JAZF1: variants seen among roughly 807,000 people sequenced by gnomAD.
JAZF1 encodes the protein juxtaposed with another zinc finger protein 1.
A neutral mutation model predicts 26.4 loss-of-function variants in JAZF1; 8 were observed. The ratio of observed to expected loss-of-function variants is 0.30; its 90% CI spans 0.18 to 0.55. The LOEUF is 0.55. JAZF1 is among the 20% of genes least tolerant of loss of function. The pLI, the probability that JAZF1 is intolerant of heterozygous loss-of-function variation, is 0.94. For missense variants in JAZF1, 199 were observed against 322.0 expected (o/e 0.62, Z 2.92); for synonymous variants, 126 against 122.3 (o/e 1.03, Z -0.20).
intron 3 of JAZF1, among the ~76,000 whole-genome samples, chr7:27,869,463 C>T (rs1162106454): frequency 5.3e-5 from 8 of 152,144 alleles, no homozygotes; most frequent in Non-Finnish European, 8.8e-5. Flanking sequence ...AGTAGCTCGA[C>T]GGCACCAACA....
At chr7:28,084,547 T>C (rs537290637) in intron 1 of JAZF1, among the ~76,000 whole-genome samples, 1 of 152,330 alleles carries the variant, frequency 6.6e-6, no homozygotes, top group East Asian at 1.9e-4. Flanking sequence ...CACAAACTTG[T>C]AGAAGTACTG....
intron 2 of JAZF1, among the ~76,000 whole-genome samples, chr7:27,934,832 A>G (rs1784742611): frequency 6.6e-6 from 1 of 152,234 alleles, no homozygotes; most frequent in Non-Finnish European, 1.5e-5. Flanking sequence ...AGCACAAGTG[A>G]CAAAAGAAAA....
intron 3 of JAZF1, among the ~76,000 whole-genome samples, chr7:27,855,641 C>T (rs1361067567): frequency 6.6e-6 from 1 of 152,206 alleles, no homozygotes; most frequent in East Asian, 1.9e-4. Flanking sequence ...TGGACACATA[C>T]ACCCTTCCAA....
chr7:28,068,585 A>C (rs537145430), intron 1 of JAZF1, among the ~76,000 whole-genome samples: 51 of 152,210 alleles, frequency 3.4e-4, no homozygotes, highest in Non-Finnish European at 6.2e-4. Flanking sequence ...TCAGGGCCAC[A>C]TGAAAATCTC....
intron 1 of JAZF1, among the ~76,000 whole-genome samples, chr7:28,149,551 G>A (rs1211831047): frequency 6.6e-6 from 1 of 152,054 alleles, no homozygotes; most frequent in African/African-American, 2.4e-5. Context: ...CTCCCTCACC[G>A]GTGAACTTCT....
At chr7:27,957,938 A>G (rs555621195) in intron 2 of JAZF1, among the ~76,000 whole-genome samples, 2 of 152,350 alleles carry the variant, frequency 1.3e-5, no homozygotes, top group South Asian at 4.1e-4. Flanking sequence ...TATCTATGCA[A>G]TAGAAGACCT....
chr7:28,033,812 G>A (rs1025895693), intron 1 of JAZF1, among the ~76,000 whole-genome samples: 24 of 152,038 alleles, frequency 1.6e-4, no homozygotes, highest in African/African-American at 4.3e-4. Context: ...ACACGATCTC[G>A]GCTCACCACA....
intron 2 of JAZF1, among the ~76,000 whole-genome samples, chr7:27,933,011 G>A (rs757596270): frequency 5.9e-5 from 9 of 152,184 alleles, no homozygotes; most frequent in Non-Finnish European, 1.2e-4. Flanking sequence ...GGCAGGCCAG[G>A]AGATGCTTTA....
intron 2 of JAZF1, among the ~76,000 whole-genome samples, chr7:27,958,065 G>A (rs796629216): frequency 3.9e-5 from 6 of 152,272 alleles, no homozygotes; most frequent in African/African-American, 9.6e-5. Context: ...GAGAGGAGGT[G>A]CAAGGAATGG....
rs536458300 is a variant in JAZF1, at chr7:28,087,494, T to TA, written c.115+92968dup. On this transcript the variant is annotated intron_variant, in intron 1 of 4. Coordinates refer to ENST00000283928, the MANE Select transcript of JAZF1 (RefSeq NM_175061.4). ...AGTTTACATTTACCAAAATAGGATT[T>TA]AAAAAAAAATAGAGTAGTGCAGCAT... Among the ~76,000 whole-genome samples, 994 of 151,366 alleles carry TA rather than the reference T, an allele frequency of 6.6e-3. 5 individuals carry two copies. Among genetic ancestry groups the TA allele is most frequent in the Middle Eastern group, 0.017 (5 of 288 alleles).
intron 3 of JAZF1, among the ~76,000 whole-genome samples, chr7:27,890,677 G>C (rs1783957504): frequency 6.6e-6 from 1 of 151,012 alleles, no homozygotes; most frequent in Non-Finnish European, 1.5e-5. Flanking sequence ...CTGGTGTTAA[G>C]ATTAAATACA....
chr7:28,024,158 T>C (rs1041912220), intron 1 of JAZF1, among the ~76,000 whole-genome samples: 2 of 151,578 alleles, frequency 1.3e-5, no homozygotes, highest in African/African-American at 4.8e-5. Flanking sequence ...AAAATGAATA[T>C]GGTGGCACCA....
At chr7:27,886,088 T>G (rs1419003720) in intron 3 of JAZF1, among the ~76,000 whole-genome samples, 1 of 152,220 alleles carries the variant, frequency 6.6e-6, no homozygotes, top group African/African-American at 2.4e-5. Flanking sequence ...GCGGGGATAT[T>G]CCTATGCTGA....
At chr7:27,986,862 G>T (rs1296417728) in intron 2 of JAZF1, among the ~76,000 whole-genome samples, 1 of 152,140 alleles carries the variant, frequency 6.6e-6, no homozygotes, top group Non-Finnish European at 1.5e-5. Flanking sequence ...TCGCCGTGTT[G>T]GCCGGGCTGG....
intron 1 of JAZF1, among the ~76,000 whole-genome samples, chr7:28,162,194 A>G (rs796717135): frequency 3.9e-5 from 6 of 152,336 alleles, no homozygotes; most frequent in African/African-American, 1.4e-4. Flanking sequence ...CTCTACAGTA[A>G]TAGAATTATA....
chr7:27,921,380 T>C (rs1784526455), intron 2 of JAZF1, among the ~76,000 whole-genome samples: 1 of 151,602 alleles, frequency 6.6e-6, no homozygotes, highest in South Asian at 2.1e-4. Context: ...TAGGAAAATA[T>C]GGTATTATAG....
intron 1 of JAZF1, among the ~76,000 whole-genome samples, chr7:27,999,287 C>G (rs936538565): frequency 2.6e-5 from 4 of 152,162 alleles, no homozygotes; most frequent in African/African-American, 4.8e-5. Context: ...ATATACATGC[C>G]TGCTTTCTCC....
chr7:28,000,601 TCTTTC>T (rs1786128555), intron 1 of JAZF1, among the ~76,000 whole-genome samples: 1 of 17,050 alleles, frequency 5.9e-5, no homozygotes, highest in Non-Finnish European at 3.4e-4. Flanking sequence ...ATTTTCTTTT[TCTTTC>T]TTTCTTTCTT....
chr7:28,153,907 C>T (rs1783143828), intron 1 of JAZF1, among the ~76,000 whole-genome samples: 1 of 152,114 alleles, frequency 6.6e-6, no homozygotes. Flanking sequence ...CTCCTGCCCT[C>T]CACCTACCTG....
Sources: allele counts gnomAD v4.1 joint callset (sites outside exome capture counted in the v4.1 genomes callset), GRCh38; gene constraint gnomAD v4.1.1; transcripts MANE v1.5; gene names NCBI Gene and HGNC (gene_info 2026-07-23, HGNC 2026-07-21).